Variants in CIMIP7 observed in about 807,000 individuals in gnomAD.
CIMIP7 encodes uncharacterized protein C3orf84.
chr3:49,186,711 C>T, the CIMIP7 span, among the ~76,000 whole-genome samples: 1 of 152,182 alleles, frequency 6.6e-6, no homozygotes, highest in Non-Finnish European at 1.5e-5. Context: ...CCTATAGCCA[C>T]CACGCCCCGC....
the CIMIP7 span, among the ~76,000 whole-genome samples, chr3:49,182,723 T>G: frequency 3.3e-5 from 5 of 152,026 alleles, no homozygotes; most frequent in Non-Finnish European, 4.4e-5. Context: ...GGGGCGGCGC[T>G]TGTTGGGGAG....
At chr3:49,180,029 T>C in the CIMIP7 span, among the ~76,000 whole-genome samples, 4 of 152,156 alleles carry the variant, frequency 2.6e-5, no homozygotes. Context: ...TCCCAGCACT[T>C]TGGGAGGCCG....
At chr3:49,187,044 A>G in the CIMIP7 span, among the ~76,000 whole-genome samples, 1 of 152,224 alleles carries the variant, frequency 6.6e-6, no homozygotes, top group African/African-American at 2.4e-5. Flanking sequence ...ACTTAGCCCT[A>G]GAATGTACAT....
chr3:49,184,503 C>G, the CIMIP7 span, among the ~76,000 whole-genome samples: 5 of 151,700 alleles, frequency 3.3e-5, no homozygotes, highest in Non-Finnish European at 7.4e-5. Context: ...GTATTTTTAC[C>G]AGAGATAGGG....
At chr3:49,185,151 C>T in the CIMIP7 span, among the ~76,000 whole-genome samples, 3 of 151,878 alleles carry the variant, frequency 2.0e-5, no homozygotes, top group Admixed American at 2.0e-4. Context: ...ATCCCAGCTA[C>T]TCAGGAGGCT....
the CIMIP7 span, chr3:49,178,611 C>T: frequency 7.5e-7 from 1 of 1,337,170 alleles, no homozygotes; most frequent in Non-Finnish European, 1.1e-6. Flanking sequence ...TGGATCACTG[C>T]CTCAGGGTCC....
At chr3:49,191,618 C>T in the CIMIP7 span, 25 of 1,006,508 alleles carry the variant, frequency 2.5e-5, no homozygotes, top group African/African-American at 2.5e-4. Flanking sequence ...AGGAAGTGGG[C>T]GGCTCAGGGT....
At chr3:49,180,949 AAAG>A in the CIMIP7 span, among the ~76,000 whole-genome samples, 1 of 150,618 alleles carries the variant, frequency 6.6e-6, no homozygotes, top group Admixed American at 6.6e-5. Flanking sequence ...AAAAAAAAAA[AAAG>A]AGTTCCCTTT....
the CIMIP7 span, among the ~76,000 whole-genome samples, chr3:49,180,533 G>A: frequency 3.3e-5 from 5 of 152,208 alleles, no homozygotes; most frequent in East Asian, 9.6e-4. Context: ...TGGCTTGGGA[G>A]TATAGGTAAT....
the CIMIP7 span, among the ~76,000 whole-genome samples, chr3:49,184,742 C>T: frequency 6.6e-6 from 1 of 151,580 alleles, no homozygotes; most frequent in Non-Finnish European, 1.5e-5. Context: ...ACTTCTCCTG[C>T]CTCAGCCTCC....
the CIMIP7 span, chr3:49,189,906 AG>A: frequency 3.7e-6 from 3 of 806,386 alleles, no homozygotes; most frequent in Non-Finnish European, 6.7e-6. Context: ...AGAAAGGTAA[AG>A]CCTGTCCCAG....
chr3:49,190,258 T>C, the CIMIP7 span: 1 of 642,496 alleles, frequency 1.6e-6, no homozygotes, highest in Admixed American at 2.6e-5. Flanking sequence ...TGGAAGTTCC[T>C]GACAGAATAG....
the CIMIP7 span, among the ~76,000 whole-genome samples, chr3:49,180,632 T>C: frequency 3.3e-5 from 5 of 151,172 alleles, no homozygotes; most frequent in Non-Finnish European, 5.9e-5. Context: ...TATGTGTGTT[T>C]AAGAGTTCCC....
chr3:49,186,694 C>T, the CIMIP7 span, among the ~76,000 whole-genome samples: 2 of 152,212 alleles, frequency 1.3e-5, no homozygotes. Flanking sequence ...TGAGCCACCG[C>T]ACCCAGCCTA....
chr3:49,184,211 C>T, the CIMIP7 span, among the ~76,000 whole-genome samples: 1 of 152,254 alleles, frequency 6.6e-6, no homozygotes, highest in African/African-American at 2.4e-5. Flanking sequence ...GTTGCACAGG[C>T]TGATCTTGAA....
chr3:49,179,140 A>T, the CIMIP7 span, among the ~76,000 whole-genome samples: 1 of 152,140 alleles, frequency 6.6e-6, no homozygotes, highest in Non-Finnish European at 1.5e-5. Flanking sequence ...AGATCCTGTC[A>T]AACACCTTGA....
At chr3:49,178,696 T>C in the CIMIP7 span, among the ~76,000 whole-genome samples, 1 of 151,222 alleles carries the variant, frequency 6.6e-6, no homozygotes, top group Admixed American at 6.6e-5. Context: ...CAGAGACTAA[T>C]TAAAGCAACA....
chr3:49,184,735 TCTC>T, the CIMIP7 span, among the ~76,000 whole-genome samples: 1 of 151,326 alleles, frequency 6.6e-6, no homozygotes. Flanking sequence ...TTCAAGCACT[TCTC>T]CTGCCTCAGC....
At chr3:49,191,828 T>C in the CIMIP7 span, 1 of 1,512,400 alleles carries the variant, frequency 6.6e-7, no homozygotes, top group African/African-American at 1.4e-5. Flanking sequence ...GGAGGGTATC[T>C]TCAGGAAAGA....
Sources: gnomAD v4.1 joint callset for allele counts (sites outside exome capture counted in the v4.1 genomes callset) on GRCh38, gnomAD v4.1.1 for gene constraint, MANE v1.5 for transcripts, NCBI Gene and HGNC (gene_info 2026-07-23, HGNC 2026-07-21) for gene names.